The following KIAA1217 variants were observed in gnomAD, a reference collection of about 807,000 sequenced individuals.
The protein encoded by KIAA1217 is KIAA1217, also known as sickle tail protein homolog.
Under a neutral mutation model 163.9 loss-of-function variants are expected in KIAA1217, and 88 were observed. The ratio of observed to expected loss-of-function variants is 0.54; its 90% CI spans 0.45 to 0.64. KIAA1217 has a LOEUF of 0.64. KIAA1217 is among the 30% of genes least tolerant of loss of function. The pLI, the probability that KIAA1217 is intolerant of heterozygous loss-of-function variation, is 0.00. For missense variants in KIAA1217, 2,372 were observed against 2,475.0 expected (o/e 0.96, Z 0.88); for synonymous variants, 903 against 923.1 (o/e 0.98, Z 0.39).
intron 1 of KIAA1217, among the ~76,000 whole-genome samples, chr10:23,946,267 T>TAA (rs35262067): frequency 0.15 from 17,156 of 115,596 alleles, 2,830 homozygotes; most frequent in African/African-American, 0.39. Context: ...CTCTTCCGTT[T>TAA]AAAAAAAAAA....
At chr10:24,520,091 A>T in intron 10 of KIAA1217, 32 bp from the exon 11 acceptor site, 1 of 1,601,078 alleles carries the variant, frequency 6.2e-7, no homozygotes, top group Non-Finnish European at 8.5e-7. Flanking sequence ...CCTCGTGTTC[A>T]GCTCTATGTG....
Position 24,209,305 on chromosome 10 carries a change from G to A in KIAA1217, c.70+42G>A, listed in dbSNP as rs750553421. ...TTCAAAGATGGAGTTACAGGGACGC[G>A]TGCCCCTTGCCGCTTGCTGCTTTTT... On this transcript the variant is annotated intron_variant, in intron 1 of 20. Transcript: ENST00000376454. 4 of 1,475,582 alleles carry A rather than the reference G, an allele frequency of 2.7e-6. No homozygotes were observed. The East Asian group carries it at 6.9e-5, about 25-fold the overall frequency. The allele number at this position is 1,475,582 out of a possible 1,614,324, so 91.4% of individuals were successfully genotyped here. A position where few individuals can be genotyped will look rare whatever the true frequency, so the allele number is the denominator to read the frequency against.
At chr10:24,144,541 A>C (rs1259181155) in intron 2 of KIAA1217, among the ~76,000 whole-genome samples, 1 of 152,232 alleles carries the variant, frequency 6.6e-6, no homozygotes, top group Non-Finnish European at 1.5e-5. Flanking sequence ...AAGGGAAAGT[A>C]ATCTAACATG....
At chr10:24,474,706 T>C (rs1474790324) in intron 6 of KIAA1217, among the ~76,000 whole-genome samples, 1 of 152,238 alleles carries the variant, frequency 6.6e-6, no homozygotes, top group Non-Finnish European at 1.5e-5. Flanking sequence ...ACATATTTTA[T>C]AATTTACCAA....
intron 1 of KIAA1217, among the ~76,000 whole-genome samples, chr10:23,917,529 G>A (rs750303776): frequency 3.9e-5 from 6 of 152,208 alleles, no homozygotes; most frequent in Non-Finnish European, 7.4e-5. Flanking sequence ...GAGGTGGTGA[G>A]ATGCAATAAC....
At chr10:23,890,090 T>C (rs1841356779) in intron 1 of KIAA1217, among the ~76,000 whole-genome samples, 1 of 151,782 alleles carries the variant, frequency 6.6e-6, no homozygotes, top group African/African-American at 2.4e-5. Flanking sequence ...TGGAAAACTT[T>C]AGTTTTCTTA....
In KIAA1217 at chr10:23,966,771, G is replaced by A. The variant is rs141154920; in HGVS notation, c.-320-40454G>A. On this transcript the variant is annotated intron_variant, in intron 1 of 18. Transcript: ENST00000376462. Reference sequence around the variant, plus strand: ...TCTGTAACCATTCATCCCGAAGAAAGTAATAATGTAGTAAGGAACTATGAA... The same window carrying A: ...TCTGTAACCATTCATCCCGAAGAAAATAATAATGTAGTAAGGAACTATGAA... Among the ~76,000 whole-genome samples the A allele has an allele frequency of 5.3e-5, 8 of 152,288 alleles. No homozygotes were observed. In the East Asian group the frequency reaches 5.8e-4, roughly 11 times the overall value.
intron 1 of KIAA1217, among the ~76,000 whole-genome samples, chr10:23,704,250 G>A (rs1038188547): frequency 7.5e-6 from 1 of 132,960 alleles, no homozygotes; most frequent in African/African-American, 2.9e-5. Context: ...TATGACCCCA[G>A]GGCTTCTTTT....
intron 2 of KIAA1217, among the ~76,000 whole-genome samples, chr10:24,025,818 A>C (rs772081926): frequency 2.0e-5 from 3 of 151,732 alleles, no homozygotes; most frequent in Non-Finnish European, 4.4e-5. Context: ...TTCTTTACTA[A>C]AATACAGAAA....
At position 24,112,777 on chromosome 10, in the gene KIAA1217, G is replaced by A. The variant is rs573723919; in HGVS notation, c.-171+105403G>A. ...TTTTTTTTGTTTTTTTAGTAGAGAC[G>A]GGGTTTCACCGTGTTAGCCAGGACG... is the stretch of plus-strand genomic sequence containing the variant. On this transcript the variant is annotated intron_variant, in intron 2 of 18. Coordinates refer to the KIAA1217 transcript ENST00000376462. Among the ~76,000 whole-genome samples the A allele has an allele frequency of 1.5e-4, 23 of 151,964 alleles. No homozygotes were observed. In the South Asian group the frequency reaches 4.4e-3, roughly 29 times the overall value.
intron 1 of KIAA1217, among the ~76,000 whole-genome samples, chr10:23,902,894 T>G (rs1480729214): frequency 6.6e-6 from 1 of 152,086 alleles, no homozygotes; most frequent in East Asian, 1.9e-4. Flanking sequence ...GCAGAACAGC[T>G]GAGGCAAAAA....
At chr10:24,193,811 C>T (rs1003981037) in intron 2 of KIAA1217, among the ~76,000 whole-genome samples, 2 of 142,388 alleles carry the variant, frequency 1.4e-5, no homozygotes, top group Non-Finnish European at 3.1e-5. Context: ...TACACACACA[C>T]ACACACACAC....
intron 1 of KIAA1217, among the ~76,000 whole-genome samples, chr10:23,741,713 C>T (rs1263891029): frequency 6.6e-6 from 1 of 152,150 alleles, no homozygotes; most frequent in Non-Finnish European, 1.5e-5. Context: ...AAAGTTCATG[C>T]CTCCCTCTGC....
At chr10:24,502,261 T>TC (rs2067741807) in intron 9 of KIAA1217, among the ~76,000 whole-genome samples, 1 of 133,804 alleles carries the variant, frequency 7.5e-6, no homozygotes, top group Non-Finnish European at 1.6e-5. Context: ...TTTTTTTTTT[T>TC]CATTTTTTTT....
chr10:24,036,394 A>G (rs1012486353), intron 2 of KIAA1217, among the ~76,000 whole-genome samples: 1 of 152,212 alleles, frequency 6.6e-6, no homozygotes, highest in Non-Finnish European at 1.5e-5. Flanking sequence ...TGAATAATTC[A>G]ATAGTGATAT....
chr10:24,164,856 A>C (rs898806333), intron 2 of KIAA1217, among the ~76,000 whole-genome samples: 2 of 152,178 alleles, frequency 1.3e-5, no homozygotes, highest in Admixed American at 1.3e-4. Flanking sequence ...TTTCTGAACT[A>C]TTTGGGACCA....
chr10:24,534,414 G>A (rs918643045), intron 16 of KIAA1217, among the ~76,000 whole-genome samples: 2 of 152,196 alleles, frequency 1.3e-5, no homozygotes, highest in Non-Finnish European at 1.5e-5. Context: ...TTTCAGGCTT[G>A]TGGATAATTT....
Position 24,184,797 on chromosome 10 carries a change from G to A in KIAA1217, c.-170-34829G>A, listed in dbSNP as rs2066342867. 2.0e-5 allele frequency among the ~76,000 whole-genome samples: 3 copies of A among 152,128 alleles called. No individual in the cohort carries two copies. In the South Asian group the frequency reaches 6.2e-4, roughly 32 times the overall value. ...AGTTTTCCTTTCTGCCAGATTTTTG[G>A]CTCTGGCCCCATAGGTGGTCATTCA... On this transcript the variant is annotated intron_variant, in intron 2 of 18. Transcript: ENST00000376462.
intron 1 of KIAA1217, among the ~76,000 whole-genome samples, chr10:23,825,530 T>C (rs1416071364): frequency 1.3e-5 from 2 of 152,308 alleles, no homozygotes; most frequent in Middle Eastern, 3.4e-3. Context: ...GTATTTCAGA[T>C]TGATTTTGGT....
Sources: allele counts gnomAD v4.1 joint callset (sites outside exome capture counted in the v4.1 genomes callset), GRCh38; gene constraint gnomAD v4.1.1; transcripts MANE v1.5; gene names NCBI Gene and HGNC (gene_info 2026-07-23, HGNC 2026-07-21).